The following POLD3 variants were observed in gnomAD, a reference collection of about 807,000 sequenced individuals.
POLD3 encodes DNA polymerase delta 3, accessory subunit, also known as DNA polymerase delta subunit 3.
A neutral mutation model predicts 58.2 loss-of-function variants in POLD3; 19 were observed. The observed-to-expected ratio is 0.33, with a 90% CI of 0.23 to 0.48. The LOEUF is 0.48. Among genes scored for constraint, POLD3 ranks in the 20% least tolerant of loss-of-function variants. POLD3 has a pLI of 0.99. For missense variants in POLD3, 504 were observed against 545.5 expected (o/e 0.92, Z 0.76); for synonymous variants, 172 against 193.5 (o/e 0.89, Z 0.92).
chr11:74,659,860 T>C (rs1340888330), intron 4 of POLD3, among the ~76,000 whole-genome samples: 2 of 152,222 alleles, frequency 1.3e-5, no homozygotes, highest in Non-Finnish European at 2.9e-5. Context: ...TTTTCTGTCT[T>C]CTTCTGAGCC....
At chr11:74,666,437 A>G (rs1019093385) in intron 4 of POLD3, among the ~76,000 whole-genome samples, 5 of 152,194 alleles carry the variant, frequency 3.3e-5, no homozygotes, top group East Asian at 1.9e-4. Flanking sequence ...CCTGGCCAAC[A>G]TGGTGAAACC....
chr11:74,612,434 TC>T (rs1771813095), intron 4 of POLD3, among the ~76,000 whole-genome samples: 1 of 152,230 alleles, frequency 6.6e-6, no homozygotes, highest in Non-Finnish European at 1.5e-5. Flanking sequence ...GTGTTTCTCT[TC>T]CGTAGACTTA....
chr11:74,649,824 A>G (rs534497002), intron 4 of POLD3, among the ~76,000 whole-genome samples: 5 of 152,150 alleles, frequency 3.3e-5, no homozygotes, highest in Non-Finnish European at 4.4e-5. Context: ...CCTGGCCAAC[A>G]TGGTGAAACC....
chr11:74,595,132 T>G (rs1342791690), intron 2 of POLD3: 2 of 152,034 alleles, frequency 1.3e-5, no homozygotes, highest in African/African-American at 4.8e-5. Context: ...ACACTAACAC[T>G]GTTTTTTCCC....
At chr11:74,658,531 A>G (rs2033165225) in intron 4 of POLD3, among the ~76,000 whole-genome samples, 1 of 152,214 alleles carries the variant, frequency 6.6e-6, no homozygotes, top group Non-Finnish European at 1.5e-5. Flanking sequence ...ATCTGAGACA[A>G]GCCAAGTCCC....
chr11:74,602,229 C>T (rs1448942978), intron 2 of POLD3, among the ~76,000 whole-genome samples: 2 of 152,080 alleles, frequency 1.3e-5, no homozygotes, highest in African/African-American at 2.4e-5. Flanking sequence ...CAGGCGTGAG[C>T]CACCACACCT....
intron 9 of POLD3, among the ~76,000 whole-genome samples, chr11:74,629,989 T>G (rs1226950264): frequency 6.6e-6 from 1 of 152,198 alleles, no homozygotes; most frequent in Non-Finnish European, 1.5e-5. Flanking sequence ...AAGCCCACTT[T>G]GAGACACAGT....
In POLD3 at chr11:74,651,074, T is replaced by C. The variant is rs1239482995; in HGVS notation, c.369+14799T>C. On this transcript the variant is annotated intron_variant, in intron 4 of 4. Coordinates refer to the POLD3 transcript ENST00000524752. The stretch of plus-strand genomic sequence containing the variant: ...ACAGAGCACCTCTTCATGGCACTTA[T>C]CACTATCTCTGCTAATTGTGTATCT... Among the ~76,000 whole-genome samples, 10 of 152,248 alleles carry C rather than the reference T, an allele frequency of 6.6e-5. No individual in the cohort carries two copies. The East Asian group carries it at 1.7e-3, about 26-fold the overall frequency.
chr11:74,638,284 T>C (rs770757099), intron 11 of POLD3, among the ~76,000 whole-genome samples: 19 of 152,134 alleles, frequency 1.2e-4, no homozygotes, highest in Non-Finnish European at 2.6e-4. Flanking sequence ...GTTCTTACAG[T>C]ATACTGAATA....
intron 10 of POLD3, 91 bp downstream of exon 10, chr11:74,634,786 T>C: frequency 1.3e-6 from 1 of 757,912 alleles, no homozygotes. Flanking sequence ...CCTTGCTGTA[T>C]ACTTCACAAA....
intron 2 of POLD3, among the ~76,000 whole-genome samples, chr11:74,599,613 C>T (rs527437631): frequency 3.9e-5 from 6 of 152,140 alleles, no homozygotes; most frequent in East Asian, 1.9e-4. Flanking sequence ...CTGCCCACCT[C>T]GGCCTCCCAA....
intron 8 of POLD3, among the ~76,000 whole-genome samples, chr11:74,626,604 A>G (rs2032439608): frequency 6.6e-6 from 1 of 152,044 alleles, no homozygotes; most frequent in Non-Finnish European, 1.5e-5. Context: ...ATCCTTTTTT[A>G]TATATTGCTG....
chr11:74,646,483 G>A (rs2033001130), downstream of POLD3, among the ~76,000 whole-genome samples: 1 of 152,320 alleles, frequency 6.6e-6, no homozygotes, highest in Non-Finnish European at 1.5e-5. Flanking sequence ...AGTTAGATAA[G>A]TAGGCTAATA....
At chr11:74,628,777 C>G (rs994458194) in intron 8 of POLD3, 2 of 152,582 alleles carry the variant, frequency 1.3e-5, no homozygotes, top group Non-Finnish European at 2.9e-5. Context: ...CCAGTTAAAT[C>G]TACCACATTG....
At chr11:74,617,398 A>G (rs1386150718) in intron 5 of POLD3, among the ~76,000 whole-genome samples, 2 of 150,138 alleles carry the variant, frequency 1.3e-5, no homozygotes, top group Non-Finnish European at 3.0e-5. Flanking sequence ...AGCTTCTCCC[A>G]TTTTTTTTTG....
At chr11:74,631,020 A>C (rs1183007180) in intron 9 of POLD3, among the ~76,000 whole-genome samples, 1 of 152,214 alleles carries the variant, frequency 6.6e-6, no homozygotes, top group African/African-American at 2.4e-5. Flanking sequence ...AAGCTCTTAG[A>C]TTTTTTTCCT....
intron 7 of POLD3, among the ~76,000 whole-genome samples, chr11:74,622,862 A>T (rs981708621): frequency 6.6e-6 from 1 of 152,276 alleles, no homozygotes. Context: ...TTAAAACTGT[A>T]TGTCCACACA....
intron 3 of POLD3, among the ~76,000 whole-genome samples, chr11:74,608,554 G>T (rs184041548): frequency 1.3e-5 from 2 of 152,246 alleles, no homozygotes; most frequent in Non-Finnish European, 2.9e-5. Context: ...CCTAACTCCC[G>T]TGTCCACTTT....
intron 3 of POLD3, among the ~76,000 whole-genome samples, chr11:74,608,121 T>C (rs1271588157): frequency 6.6e-6 from 1 of 152,190 alleles, no homozygotes; most frequent in Non-Finnish European, 1.5e-5. Flanking sequence ...TTTCATCTAA[T>C]GATTTTAGCT....
Sources: allele counts gnomAD v4.1 joint callset (sites outside exome capture counted in the v4.1 genomes callset), GRCh38; gene constraint gnomAD v4.1.1; transcripts MANE v1.5; gene names NCBI Gene and HGNC (gene_info 2026-07-23, HGNC 2026-07-21).